ITGA7: variants seen among roughly 807,000 people sequenced by gnomAD.
ITGA7 encodes the protein integrin alpha-7.
ITGA7 carries 84 observed loss-of-function variants against 131.6 expected under a neutral mutation model. The observed-to-expected ratio is 0.64, with a 90% CI of 0.54 to 0.77. The LOEUF (loss-of-function observed/expected upper bound fraction) is 0.77. Ranked by LOEUF, ITGA7 falls within the 30% of genes least tolerant of loss-of-function variation. The probability of loss-of-function intolerance (pLI) is 0.00; values close to 1 mark genes in which losing one functional copy is unlikely to be tolerated. For synonymous variants in ITGA7, 548 were observed against 600.7 expected (o/e 0.91, Z 1.28); for missense variants, 1,399 against 1,482.9 (o/e 0.94, Z 0.93).
intron 11 of ITGA7, 67 bp downstream of exon 11, chr12:55,697,149 A>G (rs369819618): frequency 8.5e-5 from 134 of 1,574,548 alleles, no homozygotes; most frequent in Non-Finnish European, 1.1e-4. Context: ...CTCTTCTACC[A>G]CCTCGAAGTG....
chr12:55,716,376 T>G, upstream of ITGA7: 1 of 1,431,274 alleles, frequency 7.0e-7, no homozygotes. Flanking sequence ...GCCAACTGGC[T>G]CCGGTCCCTT....
At position 55,698,770 on chromosome 12, in the gene ITGA7, C is replaced by G; in HGVS notation, c.938G>C (p.Gly313Ala). 1 of 1,614,156 alleles carries G rather than the reference C, an allele frequency of 6.2e-7. No homozygotes were observed. The highest frequency in any genetic ancestry group is 8.5e-7 in the Non-Finnish European group (1 of 1,180,014). ...GCCAAAGCCGGAGGTCAGGCGCTCC[C>G]CAGACAGCATAACCTCGGGCACCAG... ...SRLVPEVMLSGERLTSGFGYS... is the reference protein window; with the variant it reads ...SRLVPEVMLSAERLTSGFGYS... The change falls in exon 6 of 25, where the codon GGG becomes GCG. Residue 313 changes from glycine (G) to alanine (A), a missense_variant. By Grantham distance (60) the Gly-to-Ala change is moderately conservative (BLOSUM62 0). Transcript: ENST00000257879.
chr12:55,692,825 G>A lies in ITGA7; in HGVS notation c.2844+19C>T, dbSNP rs141542046. The A allele has an allele frequency of 7.4e-5, 118 of 1,597,490 alleles. 1 individual carries two copies. In the African/African-American group the frequency reaches 8.6e-4, roughly 12 times the overall value. On this transcript the variant is annotated intron_variant, in intron 21 of 24. Transcript: ENST00000257879. ...AGCACCCCGGAGCTCTGGCTGCACCGAGTCTGGCCTGCCCTCACCAGGGTG... is the reference window on the plus strand; with the variant it reads ...AGCACCCCGGAGCTCTGGCTGCACCAAGTCTGGCCTGCCCTCACCAGGGTG...
At chr12:55,712,504 A>G (rs1876209420), upstream of ITGA7, 3 of 555,280 alleles carry the variant, frequency 5.4e-6, no homozygotes, top group African/African-American at 1.9e-5. Context: ...ATTAAAGCTA[A>G]CTCTGAAAGA....
upstream of ITGA7, chr12:55,716,019 T>C (rs747933742): frequency 6.5e-6 from 10 of 1,529,968 alleles, no homozygotes; most frequent in South Asian, 1.1e-4. Flanking sequence ...AGAGGGCGGT[T>C]CCCAACCTCA....
In ITGA7 at chr12:55,697,481, T is replaced by C; in HGVS notation, c.1475A>G (p.Gln492Arg). ...CGAGTGGCCGCCAGCACAGTTGGGC[T>C]GCTCCAGGTCGATGCTTCGTGGAGC... ...SIAPRSIDLE[Q>R]PNCAGGHSVC... Residue 492 changes from glutamine (Q) to arginine (R), a missense_variant, in exon 10 of 25, where the codon CAG becomes CGG. Physicochemically the swap from Gln to Arg is conservative, Grantham distance 43. Coordinates refer to ENST00000257879, the MANE Select transcript of ITGA7 (RefSeq NM_002206.3). 6.2e-7 allele frequency: 1 copy of C among 1,614,166 alleles called. No individual in the cohort carries two copies. Among genetic ancestry groups the C allele is most frequent in the Non-Finnish European group, 8.5e-7 (1 of 1,180,050 alleles).
intron 1 of ITGA7, among the ~76,000 whole-genome samples, chr12:55,705,963 T>A (rs1293014163): frequency 1.3e-5 from 2 of 151,960 alleles, no homozygotes; most frequent in Non-Finnish European, 1.5e-5. Flanking sequence ...GCCTCTCACA[T>A]ACCCCCCGCC....
chr12:55,708,880 T>C (rs1022088161), upstream of ITGA7, among the ~76,000 whole-genome samples: 3 of 152,178 alleles, frequency 2.0e-5, no homozygotes, highest in African/African-American at 7.2e-5. Context: ...CATTGGCCTG[T>C]CCCTCTTCCT....
chr12:55,687,859 G>T lies in ITGA7; in HGVS notation c.3183+112C>A, dbSNP rs111874252. On this transcript the variant is annotated intron_variant, in intron 24 of 24. Transcript: ENST00000257879. ...CTGAGACATGCAGGGCAAGTGTTCA[G>T]TGCAGATTTGCTGAATACATGAGTG... The T allele has an allele frequency of 3.6e-6, 5 of 1,401,090 alleles. No homozygotes were observed. In the African/African-American group the frequency reaches 5.7e-5, roughly 16 times the overall value. The allele number at this position is 1,401,090 out of a possible 1,614,324, so 86.8% of individuals were successfully genotyped here.
rs749646534 is a variant in ITGA7, at chr12:55,694,650, ACT to A, written c.2240_2241del (p.Glu747ValfsTer2). 21 of 1,613,928 alleles carry A rather than the reference ACT, an allele frequency of 1.3e-5. No homozygotes were observed. The highest frequency in any genetic ancestry group is 1.4e-5 in the Non-Finnish European group (17 of 1,179,992). ...CLSNENASHV[E>X]CELGNPMKRG... The stretch of plus-strand genomic sequence containing the variant: ...CTCTTCATGGGGTTCCCCAGCTCAC[ACT>A]CAACATGGGAGGCATTCTCATTGGA... On this transcript the variant is annotated frameshift_variant, in exon 16 of 25. Coordinates refer to ENST00000257879, the MANE Select transcript of ITGA7 (RefSeq NM_002206.3). LOFTEE classifies it high-confidence loss of function. The surrounding 1 kb of genome is among the most constrained non-coding windows in gnomAD (Gnocchi z 5.3).
chr12:55,698,013 A>G lies in ITGA7; in HGVS notation c.1206T>C (p.Gly402=). 6.2e-7 allele frequency: 1 copy of G among 1,614,050 alleles called. No individual in the cohort carries two copies. The highest frequency in any genetic ancestry group is 2.2e-5 in the East Asian group (1 of 44,862). The change falls in exon 8 of 25, where the codon GGT becomes GGC. Residue 402 remains glycine, a synonymous_variant. Coordinates refer to ENST00000257879, the MANE Select transcript of ITGA7 (RefSeq NM_002206.3). The stretch of plus-strand genomic sequence containing the variant: ...CTTTCCCATCACCATCAAAGGGGGC[A>G]CCCACTGCAATATCTGCAGGGCACA... ...NQDGFPDIAV[G]APFDGDGKVF...
At chr12:55,692,820 G>A (rs545980489) in intron 21 of ITGA7, 24 bp downstream of exon 21, 7 of 1,591,930 alleles carry the variant, frequency 4.4e-6, no homozygotes, top group Middle Eastern at 1.7e-4. Flanking sequence ...AGCTCTGGCT[G>A]CACCGAGTCT....
At chr12:55,700,488 C>A in intron 4 of ITGA7, 1 of 1,445,802 alleles carries the variant, frequency 6.9e-7, no homozygotes, top group South Asian at 1.2e-5. Flanking sequence ...GAAGCCCTGC[C>A]TCTTCTTTCT....
In ITGA7 at chr12:55,703,056, T is replaced by C; in HGVS notation, c.329A>G (p.Gln110Arg). 1 of 1,614,112 alleles carries C rather than the reference T, an allele frequency of 6.2e-7. No homozygotes were observed. The highest frequency in any genetic ancestry group is 8.5e-7 in the Non-Finnish European group (1 of 1,180,026). ...CTGTTCATGCAGGGCCACACCTCCC[T>C]GGTCGATGTCCACTCTGTAGCAGTC... ...ETDCYRVDID[Q>R]GADMQKESKE... Residue 110 changes from glutamine (Q) to arginine (R), a missense_variant, in exon 2 of 25, where the codon CAG becomes CGG. Physicochemically the swap from Gln to Arg is conservative, Grantham distance 43. Coordinates refer to ENST00000257879, the MANE Select transcript of ITGA7 (RefSeq NM_002206.3).
Position 55,697,207 on chromosome 12 carries a change from C to T in ITGA7, c.1567+9G>A, listed in dbSNP as rs377246664. The T allele has an allele frequency of 5.6e-6, 9 of 1,593,490 alleles. No homozygotes were observed. The highest frequency in any genetic ancestry group is 2.7e-5 in the African/African-American group (2 of 74,816). ...AAAGGGCGAGCCACAGAGGGGGGAC[C>T]GCACTCACCCACAGTAGGGCTATAG... On this transcript the variant is annotated intron_variant, in intron 11 of 24. Transcript: ENST00000257879.
Position 55,703,168 on chromosome 12 carries a change from C to T in ITGA7, c.217G>A (p.Gly73Ser). 6.2e-7 allele frequency: 1 copy of T among 1,610,226 alleles called. No individual in the cohort carries two copies. Among genetic ancestry groups the T allele is most frequent in the African/African-American group, 1.3e-5 (1 of 75,014 alleles). ...GGAAGAGCCAGGGCCTGGGGAGCAC[C>T]CACCAGCAGCCTGCAAGATGGGGCA... ...QPRPQSWLLV[G>S]APQALALPGQ... Residue 73 changes from glycine (G) to serine (S), a missense_variant, in exon 2 of 25, where the codon GGT becomes AGT. By Grantham distance (56) the Gly-to-Ser change is moderately conservative (BLOSUM62 0). Coordinates refer to ENST00000257879, the MANE Select transcript of ITGA7 (RefSeq NM_002206.3).
chr12:55,693,375 TTAA>T, intron 19 of ITGA7, 58 bp from the exon 20 acceptor site: 3 of 1,432,344 alleles, frequency 2.1e-6, no homozygotes, highest in South Asian at 1.2e-5. Context: ...TTTTTTTTTT[TTAA>T]TTTTTTGTAG....
intron 22 of ITGA7, 99 bp downstream of exon 22, chr12:55,688,745 A>T: frequency 2.4e-6 from 2 of 837,046 alleles, no homozygotes; most frequent in Non-Finnish European, 3.9e-6. Context: ...AAGGGGGGGG[A>T]TGCTGCATTT....
chr12:55,688,736 AG>A (rs796113131), intron 22 of ITGA7, 107 bp downstream of exon 22: 53 of 661,032 alleles, frequency 8.0e-5, no homozygotes, highest in African/African-American at 6.6e-4. Context: ...AAAAAAAAAA[AG>A]GGGGGGGATG....
Sources: allele counts gnomAD v4.1 joint callset (sites outside exome capture counted in the v4.1 genomes callset), GRCh38; gene constraint gnomAD v4.1.1; non-coding constraint Gnocchi (gnomAD v3.1); transcripts MANE v1.5; gene names NCBI Gene and HGNC (gene_info 2026-07-23, HGNC 2026-07-21).